Variants in GLRA1 observed in about 807,000 individuals in gnomAD.
GLRA1 encodes glycine receptor subunit alpha-1.
A neutral mutation model predicts 48.3 loss-of-function variants in GLRA1; 37 were observed. The ratio of observed to expected loss-of-function variants is 0.77; its 90% CI spans 0.59 to 1.01. The LOEUF is 1.01. Among genes scored for constraint, GLRA1 ranks in the 50% least tolerant of loss-of-function variants. GLRA1 has a pLI of 0.00. For missense variants in GLRA1, 427 were observed against 571.0 expected, an observed-to-expected ratio of 0.75 and a Z score of 2.57; for synonymous variants, 196 against 210.7, an observed-to-expected ratio of 0.93 and a Z score of 0.60.
chr5:151,900,557 G>A (rs1241701381), intron 1 of GLRA1, among the ~76,000 whole-genome samples: 1 of 152,180 alleles, frequency 6.6e-6, no homozygotes, highest in African/African-American at 2.4e-5. Flanking sequence ...AGGGATGCCT[G>A]TCTCCATTTT....
At chr5:151,834,508 C>T (rs1763515943) in intron 7 of GLRA1, among the ~76,000 whole-genome samples, 1 of 152,012 alleles carries the variant, frequency 6.6e-6, no homozygotes, top group African/African-American at 2.4e-5. Context: ...CACTAAATGC[C>T]CACAGGAGAA....
chr5:151,879,445 C>A (rs1482426067), intron 3 of GLRA1, among the ~76,000 whole-genome samples: 1 of 152,132 alleles, frequency 6.6e-6, no homozygotes, highest in Non-Finnish European at 1.5e-5. Flanking sequence ...ACTTCCGCCT[C>A]CTGGGTTCAA....
rs34491994 is a variant in GLRA1, at chr5:151,843,256, ATTTTT to A, written c.912+8129_912+8133del. On this transcript the variant is annotated intron_variant, in intron 7 of 8. Transcript: ENST00000274576. ...TCAAAAATTGACAAGCTGCTTCTAA[ATTTTT>A]TTTTTTTTTTTTTTTTTGAGATGGA... Among the ~76,000 whole-genome samples the A allele has an allele frequency of 2.8e-4, 34 of 120,776 alleles. No homozygotes were observed. The East Asian group carries it at 7.4e-3, about 26-fold the overall frequency. 79.2% of individuals were successfully genotyped at this position (120,776 alleles called of 152,430 possible).
chr5:151,859,182 G>C (rs867275274), intron 4 of GLRA1, among the ~76,000 whole-genome samples: 3 of 152,148 alleles, frequency 2.0e-5, no homozygotes, highest in Admixed American at 1.3e-4. Flanking sequence ...TCACCTCTTG[G>C]ACATTGGTCA....
intron 1 of GLRA1, among the ~76,000 whole-genome samples, chr5:151,896,756 C>T (rs923131522): frequency 1.3e-5 from 2 of 152,164 alleles, no homozygotes; most frequent in African/African-American, 4.8e-5. Flanking sequence ...TTCTTTTAAA[C>T]TTAAACTTAT....
chr5:151,868,405 T>C (rs937193388), intron 3 of GLRA1, among the ~76,000 whole-genome samples: 4 of 152,222 alleles, frequency 2.6e-5, no homozygotes, highest in Non-Finnish European at 5.9e-5. Flanking sequence ...TTATTTTTTA[T>C]CTTCACAATA....
At chr5:151,852,401 A>T (rs192980197) in intron 6 of GLRA1, among the ~76,000 whole-genome samples, 21 of 152,338 alleles carry the variant, frequency 1.4e-4, no homozygotes, top group Non-Finnish European at 2.4e-4. Context: ...TCACATGATC[A>T]TGAGAGCCTT....
intron 1 of GLRA1, among the ~76,000 whole-genome samples, chr5:151,898,229 A>G (rs1051361969): frequency 2.7e-4 from 41 of 150,030 alleles, no homozygotes; most frequent in African/African-American, 1.0e-3. Context: ...TTTTTTTCAT[A>G]CACTGGTCTC....
chr5:151,874,208 C>T (rs1753566149), intron 3 of GLRA1, among the ~76,000 whole-genome samples: 1 of 152,100 alleles, frequency 6.6e-6, no homozygotes, highest in South Asian at 2.1e-4. Flanking sequence ...ATGGGCAGTC[C>T]CTTTACCATC....
rs947900160 is a variant in GLRA1 at position 151,904,820 on chromosome 5, G to A, written c.57-12382C>T. Among the ~76,000 whole-genome samples, 3 of 152,268 alleles carry A rather than the reference G, an allele frequency of 2.0e-5. No individual in the cohort carries two copies. The East Asian group carries it at 5.8e-4, about 29-fold the overall frequency. On this transcript the variant is annotated intron_variant, in intron 1 of 8. Coordinates refer to ENST00000274576, the MANE Select transcript of GLRA1 (RefSeq NM_000171.4). ...GTAAATGTTCAATACAATTTTTATT[G>A]ATTCAAAGAGAGTTGGCAGATCTAG...
intron 1 of GLRA1, among the ~76,000 whole-genome samples, chr5:151,919,016 T>C (rs961223650): frequency 1.3e-5 from 2 of 152,196 alleles, no homozygotes; most frequent in African/African-American, 4.8e-5. Flanking sequence ...GAAATAGTAA[T>C]GAGGACTCAG....
chr5:151,889,445 A>C (rs1243962097), intron 2 of GLRA1, among the ~76,000 whole-genome samples: 1 of 152,206 alleles, frequency 6.6e-6, no homozygotes, highest in Non-Finnish European at 1.5e-5. Context: ...TAAGTGACTC[A>C]TTTGGGGTCA....
chr5:151,848,021 T>TGTG (rs1483193717), intron 7 of GLRA1, among the ~76,000 whole-genome samples: 1 of 152,202 alleles, frequency 6.6e-6, no homozygotes, highest in Non-Finnish European at 1.5e-5. Flanking sequence ...TAACAGCAAA[T>TGTG]GTGGTGTTTA....
At chr5:151,855,613 C>G (rs1015669120) in intron 5 of GLRA1, among the ~76,000 whole-genome samples, 25 of 152,174 alleles carry the variant, frequency 1.6e-4, no homozygotes, top group African/African-American at 6.0e-4. Flanking sequence ...CCAGACTGTG[C>G]CCCAGCACTT....
chr5:151,826,276 T>A (rs542238027), intron 8 of GLRA1, among the ~76,000 whole-genome samples: 8 of 152,212 alleles, frequency 5.3e-5, no homozygotes, highest in Non-Finnish European at 1.2e-4. Context: ...GCTGACCCCT[T>A]AAGTCCAGAT....
intron 7 of GLRA1, among the ~76,000 whole-genome samples, chr5:151,834,953 G>A (rs113789637): frequency 4.8e-5 from 7 of 145,362 alleles, no homozygotes; most frequent in East Asian, 4.2e-4. Context: ...GCGTGAACCC[G>A]AGAAGTGGAG....
At chr5:151,872,487 G>A (rs574780513) in intron 3 of GLRA1, among the ~76,000 whole-genome samples, 2 of 149,858 alleles carry the variant, frequency 1.3e-5, no homozygotes, top group Admixed American at 1.3e-4. Context: ...GAAGGGAATT[G>A]GGCAAAATAC....
At chr5:151,824,229 C>A (rs1009113327) in intron 8 of GLRA1, among the ~76,000 whole-genome samples, 11 of 151,626 alleles carry the variant, frequency 7.3e-5, no homozygotes, top group African/African-American at 2.4e-4. Context: ...GAACTCCTGG[C>A]CTCGAGATCC....
chr5:151,853,688 T>C (rs564825914), intron 6 of GLRA1, among the ~76,000 whole-genome samples: 1 of 152,234 alleles, frequency 6.6e-6, no homozygotes, highest in Non-Finnish European at 1.5e-5. Flanking sequence ...ATAGTGTCTT[T>C]TGATGCACTT....
Sources: gnomAD v4.1 joint callset for allele counts (sites outside exome capture counted in the v4.1 genomes callset) on GRCh38, gnomAD v4.1.1 for gene constraint, MANE v1.5 for transcripts, NCBI Gene and HGNC (gene_info 2026-07-23, HGNC 2026-07-21) for gene names.